MICAL1: variants seen among roughly 807,000 people sequenced by gnomAD.
MICAL1 encodes the protein microtubule associated monooxygenase, calponin and LIM domain containing 1.
Under a neutral mutation model 131.8 loss-of-function variants are expected in MICAL1, and 95 were observed. The ratio of observed to expected loss-of-function variants is 0.72; its 90% CI spans 0.61 to 0.86. The LOEUF is 0.86. Among genes scored for constraint, MICAL1 ranks in the 40% least tolerant of loss-of-function variants. MICAL1 has a pLI of 0.00. For missense variants in MICAL1, 1,292 were observed against 1,380.6 expected, an observed-to-expected ratio of 0.94 and a Z score of 1.02; for synonymous variants, 546 against 554.2, an observed-to-expected ratio of 0.99 and a Z score of 0.21.
Position 109,445,937 on chromosome 6 carries a change from C to T in MICAL1, c.2582-75G>A, listed in dbSNP as rs41288554. The T allele has an allele frequency of 1.4e-3, 2,104 of 1,545,592 alleles. 3 individuals carry two copies. Among genetic ancestry groups the T allele is most frequent in the African/African-American group, 2.5e-3 (187 of 73,392 alleles). ...CAGGCAACAAAGAGCATGGTGGTGA[C>T]GGAGGCCCTGCAAGTCTGGTAAAGA... On this transcript the variant is annotated intron_variant, in intron 19 of 24. Transcript: ENST00000358807.
At chr6:109,465,032 C>A (rs943356340) in intron 1 of MICAL1, 1 of 152,192 alleles carries the variant, frequency 6.6e-6, no homozygotes, top group Admixed American at 6.5e-5. Context: ...TCATGAAAAT[C>A]AAATCTCTTT....
upstream of MICAL1, among the ~76,000 whole-genome samples, chr6:109,456,454 T>A (rs1775750756): frequency 6.6e-6 from 1 of 151,876 alleles, no homozygotes. Context: ...ATTAAAGTCC[T>A]GGAAACTCAG....
At chr6:109,456,071 C>T, upstream of MICAL1, 1 of 974,964 alleles carries the variant, frequency 1.0e-6, no homozygotes. Flanking sequence ...GTGGGTCTGG[C>T]CTGTTGGGGG....
chr6:109,444,614 T>C (rs1346792186), intron 24 of MICAL1, 111 bp downstream of exon 24: 3 of 1,335,162 alleles, frequency 2.2e-6, no homozygotes, highest in East Asian at 4.6e-5. Context: ...TCCTGAATTG[T>C]CTCAGAGGTA....
At chr6:109,446,051 C>G (rs770409470) in intron 19 of MICAL1, 85 bp downstream of exon 19, 1 of 1,491,766 alleles carries the variant, frequency 6.7e-7, no homozygotes, top group Non-Finnish European at 8.9e-7. Context: ...CAACTTCCCT[C>G]TGTATTCCCC....
intron 24 of MICAL1, 140 bp from the exon 25 acceptor site, chr6:109,444,479 A>G: frequency 7.8e-7 from 1 of 1,284,030 alleles, no homozygotes. Context: ...TGCCAACACC[A>G]GTGGTTTTCT....
chr6:109,448,547 C>G, intron 12 of MICAL1, 154 bp from the exon 13 acceptor site: 1 of 1,238,538 alleles, frequency 8.1e-7, no homozygotes, highest in East Asian at 2.3e-5. Flanking sequence ...AGTGCCCAAC[C>G]CAGTGACACT....
Position 109,452,086 on chromosome 6 carries a change from T to C in MICAL1, c.832+160A>G, listed in dbSNP as rs530170330. On this transcript the variant is annotated intron_variant, in intron 6 of 24. Coordinates refer to ENST00000358807, the MANE Select transcript of MICAL1 (RefSeq NM_022765.4). The stretch of plus-strand genomic sequence containing the variant: ...GGTGATCAACTAGGGCTGTGCTTGC[T>C]TAATCCCTGAGGGGACAGGTTCCTT... 54 of 1,431,628 alleles carry C rather than the reference T, an allele frequency of 3.8e-5. No individual in the cohort carries two copies. In the African/African-American group the frequency reaches 7.0e-4, roughly 19 times the overall value. 88.7% of individuals were successfully genotyped at this position (1,431,628 alleles called of 1,614,324 possible). A position where few individuals can be genotyped will look rare whatever the true frequency, so the allele number is the denominator to read the frequency against.
At chr6:109,453,455 G>C (rs182379917) in intron 3 of MICAL1, 88 bp from the exon 4 acceptor site, 15 of 1,530,238 alleles carry the variant, frequency 9.8e-6, no homozygotes, top group Non-Finnish European at 1.3e-5. Context: ...GGTCAGACTG[G>C]AAAAGGCCTT....
chr6:109,464,513 T>C (rs994143882), intron 1 of MICAL1: 8 of 152,184 alleles, frequency 5.3e-5, no homozygotes, highest in African/African-American at 1.7e-4. Context: ...TACATGAAAG[T>C]GGTAAAAGAA....
chr6:109,453,224 G>T, intron 4 of MICAL1, 39 bp downstream of exon 4: 1 of 1,504,644 alleles, frequency 6.6e-7, no homozygotes, highest in Non-Finnish European at 9.2e-7. Context: ...AGTTCTTGAT[G>T]GGGGAGGGGG....
At position 109,445,401 on chromosome 6, in the gene MICAL1, AC is replaced by A; in HGVS notation, c.2787+14del. 1 of 1,613,510 alleles carries A rather than the reference AC, an allele frequency of 6.2e-7. No individual in the cohort carries two copies. Among genetic ancestry groups the A allele is most frequent in the Non-Finnish European group, 8.5e-7 (1 of 1,179,896 alleles). ...CTTTGACCCCATCAGAATTTTGGGA[AC>A]CCCCGGGCTTCACCTGGGCCTTGCA... On this transcript the variant is annotated intron_variant, in intron 21 of 24. Transcript: ENST00000358807.
In MICAL1 at chr6:109,450,007, C is replaced by G; in HGVS notation, c.1270G>C (p.Ala424Pro). The G allele has an allele frequency of 6.2e-7, 1 of 1,614,086 alleles. No individual in the cohort carries two copies. Among genetic ancestry groups the G allele is most frequent in the African/African-American group, 1.3e-5 (1 of 75,026 alleles). ...ACCTCTAGGGACTCAGCGCCCTCTGCCCACCGCTTCACCATCCAGGCTGCA... is the reference window on the plus strand; with the variant it reads ...ACCTCTAGGGACTCAGCGCCCTCTGGCCACCGCTTCACCATCCAGGCTGCA... Reference protein sequence around the residue: ...FDAAWMVKRWAEGAESLEVLA... With the variant: ...FDAAWMVKRWPEGAESLEVLA... Residue 424 changes from alanine (A) to proline (P), a missense_variant, in exon 9 of 25, where the codon GCA becomes CCA. Coordinates refer to ENST00000358807, the MANE Select transcript of MICAL1 (RefSeq NM_022765.4).
At position 109,450,473 on chromosome 6, in the gene MICAL1, AG is replaced by A; in HGVS notation, c.1017del (p.Phe340LeufsTer10). 6.2e-7 allele frequency: 1 copy of A among 1,613,416 alleles called. No individual in the cohort carries two copies. The highest frequency in any genetic ancestry group is 8.5e-7 in the Non-Finnish European group (1 of 1,180,002). ...TTCCCGAGCTTGCCATGGGTGGCAA[AG>A]TCAGCAGCTGCCCGGGTAAAGCGCT... Reference protein sequence around the residue: ...ALQRFTRAAADFATHGKLGKL... With the variant: ...ALQRFTRAAAXFATHGKLGKL... On this transcript the variant is annotated frameshift_variant, in exon 8 of 25. Transcript: ENST00000358807. LOFTEE classifies it high-confidence loss of function.
intron 17 of MICAL1, 74 bp from the exon 18 acceptor site, chr6:109,446,846 G>A (rs1775249085): frequency 9.9e-6 from 14 of 1,419,800 alleles, no homozygotes; most frequent in Non-Finnish European, 2.0e-6. Flanking sequence ...AGTTTATGAA[G>A]GAAGGTGGGG....
At chr6:109,445,741 C>T (rs181659607) in intron 20 of MICAL1, 30 bp downstream of exon 20, 10 of 1,596,480 alleles carry the variant, frequency 6.3e-6, no homozygotes, top group African/African-American at 2.7e-5. Context: ...GGCTGGAGAG[C>T]GTTTTGTGGC....
At chr6:109,445,595 G>A in intron 20 of MICAL1, 66 bp from the exon 21 acceptor site, 1 of 1,586,702 alleles carries the variant, frequency 6.3e-7, no homozygotes, top group Non-Finnish European at 8.6e-7. Flanking sequence ...GTGTTGTTTG[G>A]AAAGGCAGAA....
chr6:109,449,607 G>T (rs749234670), intron 10 of MICAL1, 50 bp downstream of exon 10: 1 of 1,594,878 alleles, frequency 6.3e-7, no homozygotes, highest in Non-Finnish European at 8.6e-7. Context: ...GCCTGACCTG[G>T]GGGAAGGGGG....
rs760813009 is a variant in MICAL1 at position 109,452,588 on chromosome 6, G to T, written c.599C>A (p.Pro200His). 11 of 1,613,022 alleles carry T rather than the reference G, an allele frequency of 6.8e-6. No homozygotes were observed. Among genetic ancestry groups the T allele is most frequent in the South Asian group, 1.1e-5 (1 of 91,042 alleles). Residue 200 changes from proline to histidine, a missense_variant, in exon 5 of 25, where the codon CCC becomes CAC. By Grantham distance (77) the Pro-to-His change is moderately conservative. Transcript: ENST00000358807. ...GTTGGCCAGCTGGGCAGGGGGGTTG[G>T]GTTGGAGCTGGGCACGCCAGCCACT... ...KGSGWRAQLQ[P>H]NPPAQLANYE...
Sources: gnomAD v4.1 joint callset for allele counts (sites outside exome capture counted in the v4.1 genomes callset) on GRCh38, gnomAD v4.1.1 for gene constraint, MANE v1.5 for transcripts, NCBI Gene and HGNC (gene_info 2026-07-23, HGNC 2026-07-21) for gene names.